ZC4H2: variants seen among roughly 807,000 people sequenced by gnomAD.
ZC4H2 encodes the protein zinc finger C4H2-type containing, also known as zinc finger C4H2 domain-containing protein.
For synonymous variants in ZC4H2, 84 were observed against 66.3 expected, an observed-to-expected ratio of 1.27 and a Z score of -1.30; for missense variants, 137 against 173.9, an observed-to-expected ratio of 0.79 and a Z score of 1.19.
intron 1 of ZC4H2, among the ~76,000 whole-genome samples, chrX:64,966,786 G>C (rs1194339044): frequency 9.0e-6 from 1 of 111,694 alleles, no homozygotes; most frequent in African/African-American, 3.3e-5. Context: ...AGGTTTCCTG[G>C]GGCTGTGGAT....
rs761271303 is a variant in ZC4H2 at position 64,920,931 on chromosome X, C to T, written c.226-678G>A. ...GATCCACTGGCTTATATTCTTAGCC[C>T]TTCTGGCAAATATCTTCCTCATTTA... is the stretch of plus-strand genomic sequence containing the variant. On this transcript the variant is annotated intron_variant, in intron 2 of 4. Coordinates refer to ENST00000374839, the MANE Select transcript of ZC4H2 (RefSeq NM_018684.4). 2.7e-5 allele frequency among the ~76,000 whole-genome samples: 3 copies of T among 112,514 alleles called. No homozygotes were observed. The Admixed American group carries it at 2.8e-4, about 11-fold the overall frequency.
At chrX:65,009,581 G>A (rs1343968170) in intron 1 of ZC4H2, among the ~76,000 whole-genome samples, 1 of 111,838 alleles carries the variant, frequency 8.9e-6, no homozygotes, top group African/African-American at 3.2e-5. Flanking sequence ...TAGAAGGTTT[G>A]CTTATTCTTC....
rs113765250 is a variant in ZC4H2, at chrX:64,931,614, G to C, written c.54-9626C>G. Among the ~76,000 whole-genome samples the C allele has an allele frequency of 8.9e-3, 994 of 111,406 alleles. 16 individuals carry two copies. The highest frequency in any genetic ancestry group is 0.031 in the African/African-American group (949 of 30,686). On this transcript the variant is annotated intron_variant, in intron 1 of 4. Transcript: ENST00000374839. ...ATCTTGATTTCATTGTTGACCCAAA[G>C]CTCATTCAAGAGCAGATTACTTACT... is the stretch of plus-strand genomic sequence containing the variant.
intron 1 of ZC4H2, among the ~76,000 whole-genome samples, chrX:64,965,813 C>T (rs1356292243): frequency 9.2e-6 from 1 of 109,157 alleles, no homozygotes; most frequent in Non-Finnish European, 1.9e-5. Flanking sequence ...GTGGCACAAG[C>T]CTGTAGTCCA....
At position 64,947,924 on chromosome X, in the gene ZC4H2, G is replaced by A. The variant is rs77352721; in HGVS notation, c.54-25936C>T. Among the ~76,000 whole-genome samples the A allele has an allele frequency of 2.4e-3, 260 of 110,244 alleles. 2 individuals carry two copies. The highest frequency in any genetic ancestry group is 4.1e-3 in the Non-Finnish European group (216 of 52,806). On this transcript the variant is annotated intron_variant, in intron 1 of 4. Transcript: ENST00000374839. ...CCCTGAATCTGCTGTGATTCTGATGGCTGTCTGATTCATGAATTGTTCATT... is the reference window on the plus strand; with the variant it reads ...CCCTGAATCTGCTGTGATTCTGATGACTGTCTGATTCATGAATTGTTCATT...
At chrX:64,971,383 G>A (rs1340733481) in intron 1 of ZC4H2, among the ~76,000 whole-genome samples, 1 of 112,136 alleles carries the variant, frequency 8.9e-6, no homozygotes, top group Non-Finnish European at 1.9e-5. Flanking sequence ...GGCCTGAAAT[G>A]GAGCAGTGAA....
At chrX:65,022,263 G>A (rs1295388544) in intron 1 of ZC4H2, among the ~76,000 whole-genome samples, 1 of 111,725 alleles carries the variant, frequency 9.0e-6, no homozygotes, top group Admixed American at 9.5e-5. Context: ...GAACATCAAT[G>A]CGAAAATCCT....
At chrX:64,974,429 C>A (rs913492667) in intron 1 of ZC4H2, among the ~76,000 whole-genome samples, 1 of 112,049 alleles carries the variant, frequency 8.9e-6, no homozygotes, top group African/African-American at 3.2e-5. Context: ...TCAGTATTGG[C>A]ATCTGTTTAT....
intron 1 of ZC4H2, among the ~76,000 whole-genome samples, chrX:64,940,885 T>C (rs975344822): frequency 4.5e-5 from 5 of 112,108 alleles, no homozygotes; most frequent in African/African-American, 1.6e-4. Context: ...ATACGGGCTC[T>C]TTTTTGGTTC....
In ZC4H2 at chrX:65,016,206, G is replaced by T. The variant is rs376258047; in HGVS notation, c.-272+18423C>A. 7.4e-4 allele frequency among the ~76,000 whole-genome samples: 82 copies of T among 111,289 alleles called. No individual in the cohort carries two copies. The South Asian group carries it at 0.016, about 22-fold the overall frequency. The stretch of plus-strand genomic sequence containing the variant: ...CATCATTGTGGCCAGCTTCAGGTGA[G>T]ATACTAACTTTCCCAGCTTCCTTCA... On this transcript the variant is annotated intron_variant, in intron 1 of 4. Transcript: ENST00000337990.
In ZC4H2 at chrX:64,917,429, G is replaced by A. The variant is rs755374475; in HGVS notation, c.*354C>T. ...CTGAAACAAGATATGGGCCTCCCCT[G>A]CCCCTCAGACCCTACAGCTCCTTAG... On this transcript the variant is annotated 3_prime_UTR_variant, in exon 5 of 5. Coordinates refer to ENST00000374839, the MANE Select transcript of ZC4H2 (RefSeq NM_018684.4). The A allele has an allele frequency of 3.3e-5, 5 of 152,688 alleles. No homozygotes were observed. Among genetic ancestry groups the A allele is most frequent in the Non-Finnish European group, 6.3e-5 (5 of 79,582 alleles). The allele number at this position is 152,688 out of a possible 1,213,427, so 12.6% of individuals were successfully genotyped here. A position where few individuals can be genotyped will look rare whatever the true frequency, so the allele number is the denominator to read the frequency against.
chrX:65,002,330 C>T (rs746168702), intron 1 of ZC4H2, among the ~76,000 whole-genome samples: 6 of 108,868 alleles, frequency 5.5e-5, no homozygotes, highest in East Asian at 3.0e-4. Flanking sequence ...CCCAGCCAGC[C>T]GCCCCGTCCG....
At chrX:64,958,207 A>G (rs1226063913) in intron 1 of ZC4H2, among the ~76,000 whole-genome samples, 1 of 112,518 alleles carries the variant, frequency 8.9e-6, no homozygotes, top group East Asian at 2.8e-4. Context: ...CTTTTATATG[A>G]CTGGCAGTGC....
intron 1 of ZC4H2, among the ~76,000 whole-genome samples, chrX:64,988,050 C>A (rs1406952478): frequency 2.7e-5 from 3 of 109,315 alleles, no homozygotes; most frequent in Non-Finnish European, 3.8e-5. Context: ...CATGTCCCTA[C>A]AAAGGACATG....
chrX:64,955,272 T>A (rs1051252069), intron 1 of ZC4H2, among the ~76,000 whole-genome samples: 1 of 111,862 alleles, frequency 8.9e-6, no homozygotes, highest in African/African-American at 3.2e-5. Context: ...TCATTTTCAA[T>A]GCATGTTTTC....
At chrX:65,001,861 G>A (rs946873438) in intron 1 of ZC4H2, among the ~76,000 whole-genome samples, 1 of 111,712 alleles carries the variant, frequency 9.0e-6, no homozygotes, top group African/African-American at 3.3e-5. Context: ...TTACATAATG[G>A]TAAAGTGATC....
chrX:64,994,535 T>A (rs780362919), intron 1 of ZC4H2, among the ~76,000 whole-genome samples: 4 of 112,468 alleles, frequency 3.6e-5, no homozygotes, highest in Non-Finnish European at 7.5e-5. Flanking sequence ...ACTCTTTTTT[T>A]ACTTCCAATT....
chrX:64,925,250 A>T, intron 1 of ZC4H2, among the ~76,000 whole-genome samples: 1 of 111,859 alleles, frequency 8.9e-6, no homozygotes, highest in Middle Eastern at 4.6e-3. Context: ...TGAGATTAAA[A>T]TAATAATCAT....
chrX:65,021,548 A>G (rs1456125336), intron 1 of ZC4H2, among the ~76,000 whole-genome samples: 1 of 111,291 alleles, frequency 9.0e-6, no homozygotes, highest in Non-Finnish European at 1.9e-5. Flanking sequence ...TTATAGCACT[A>G]ATTAAATGCC....
Sources: gnomAD v4.1 joint callset for allele counts (sites outside exome capture counted in the v4.1 genomes callset) on GRCh38, gnomAD v4.1.1 for gene constraint, MANE v1.5 for transcripts, NCBI Gene and HGNC (gene_info 2026-07-23, HGNC 2026-07-21) for gene names.